The following DTWD2 variants were observed in gnomAD, a reference collection of about 807,000 sequenced individuals.
DTWD2 encodes the protein DTW motif tRNA-uridine aminocarboxypropyltransferase 2, also known as tRNA-uridine aminocarboxypropyltransferase 2.
In DTWD2, 39 loss-of-function variants were observed where a neutral mutation model predicts 31.8. That is an observed-to-expected ratio of 1.22 (90% confidence interval 0.95 to 1.60). The LOEUF (loss-of-function observed/expected upper bound fraction) is 1.60, where lower values mean the gene tolerates loss of function less well. DTWD2 is among the 40% of genes most tolerant of loss of function. DTWD2 has a pLI of 0.00. For synonymous variants in DTWD2, 180 were observed against 142.8 expected (o/e 1.26, Z -1.86); for missense variants, 515 against 381.5 (o/e 1.35, Z -2.92).
intron 4 of DTWD2, among the ~76,000 whole-genome samples, chr5:118,876,530 A>C (rs1383497185): frequency 6.6e-6 from 1 of 152,168 alleles, no homozygotes; most frequent in East Asian, 1.9e-4. Flanking sequence ...AATAAATACA[A>C]TCAGAAACGA....
At chr5:118,965,739 C>T (rs1240236222) in intron 1 of DTWD2, among the ~76,000 whole-genome samples, 1 of 152,018 alleles carries the variant, frequency 6.6e-6, no homozygotes, top group Admixed American at 6.5e-5. Context: ...CTGAAGGCAG[C>T]ATGCTCGTTA....
chr5:118,921,941 T>C (rs1392833268), intron 4 of DTWD2, among the ~76,000 whole-genome samples: 1 of 152,200 alleles, frequency 6.6e-6, no homozygotes, highest in East Asian at 1.9e-4. Flanking sequence ...ATAAAAGTGT[T>C]TTACCCAATG....
At chr5:118,949,658 G>C (rs998057747) in intron 1 of DTWD2, among the ~76,000 whole-genome samples, 1 of 152,114 alleles carries the variant, frequency 6.6e-6, no homozygotes, top group Non-Finnish European at 1.5e-5. Context: ...TGGGGTAAGG[G>C]TGATTAGGTT....
intron 4 of DTWD2, among the ~76,000 whole-genome samples, chr5:118,857,114 T>C (rs571512814): frequency 6.6e-6 from 1 of 152,092 alleles, no homozygotes; most frequent in Admixed American, 6.6e-5. Flanking sequence ...AACGAAGAAA[T>C]GTAGATGCAC....
At chr5:118,980,869 A>C (rs1024588657) in intron 1 of DTWD2, among the ~76,000 whole-genome samples, 2 of 152,238 alleles carry the variant, frequency 1.3e-5, no homozygotes, top group Non-Finnish European at 2.9e-5. Flanking sequence ...AAAAACTGAG[A>C]GTAGGAACTA....
At chr5:118,911,402 T>C (rs922319412) in intron 4 of DTWD2, among the ~76,000 whole-genome samples, 3 of 152,174 alleles carry the variant, frequency 2.0e-5, no homozygotes, top group Non-Finnish European at 2.9e-5. Flanking sequence ...TTATACACTG[T>C]TGGTGGGAAA....
At chr5:118,859,320 G>A (rs1381953994) in intron 4 of DTWD2, among the ~76,000 whole-genome samples, 3 of 151,888 alleles carry the variant, frequency 2.0e-5, no homozygotes, top group African/African-American at 4.8e-5. Context: ...AGATTAATGA[G>A]TTAATAATCT....
chr5:118,960,018 A>G (rs1754672163), intron 1 of DTWD2, among the ~76,000 whole-genome samples: 1 of 152,182 alleles, frequency 6.6e-6, no homozygotes, highest in Non-Finnish European at 1.5e-5. Context: ...AAACACCACT[A>G]TAGACTAGGC....
intron 4 of DTWD2, among the ~76,000 whole-genome samples, chr5:118,886,787 A>G (rs973668533): frequency 1.3e-5 from 2 of 152,246 alleles, no homozygotes; most frequent in African/African-American, 4.8e-5. Context: ...ATCTACAATT[A>G]TCTCAAAATA....
chr5:118,874,467 C>G (rs1316148027), intron 4 of DTWD2, among the ~76,000 whole-genome samples: 4 of 152,080 alleles, frequency 2.6e-5, no homozygotes, highest in African/African-American at 9.7e-5. Flanking sequence ...ATCATCATAA[C>G]ACAATGCAGG....
intron 4 of DTWD2, among the ~76,000 whole-genome samples, chr5:118,872,227 A>G (rs1752521829): frequency 1.3e-5 from 2 of 152,346 alleles, no homozygotes; most frequent in South Asian, 2.1e-4. Context: ...TCTCCCTATC[A>G]GCAATAAGGT....
At position 118,988,522 on chromosome 5, in the gene DTWD2, C is replaced by T. The variant is rs372982203; in HGVS notation, c.-11G>A. 42 of 1,530,352 alleles carry T rather than the reference C, an allele frequency of 2.7e-5. No homozygotes were observed. In the Middle Eastern group the frequency reaches 7.2e-4, roughly 26 times the overall value. The allele number at this position is 1,530,352 out of a possible 1,614,324, so 94.8% of individuals were successfully genotyped here. On this transcript the variant is annotated 5_prime_UTR_variant, in exon 1 of 6. Transcript: ENST00000510708. Reference sequence around the variant, plus strand: ...TTTCTGCGACTCCATGGCGGACACTCCGGTCAGGCCGTGGCATTGAAGCCC... The same window carrying T: ...TTTCTGCGACTCCATGGCGGACACTTCGGTCAGGCCGTGGCATTGAAGCCC...
chr5:118,974,638 A>G (rs749074601), intron 1 of DTWD2: 4 of 506,316 alleles, frequency 7.9e-6, no homozygotes, highest in East Asian at 5.5e-5. Flanking sequence ...TAGCTGTACT[A>G]TAAGTAGTTG....
intron 1 of DTWD2, among the ~76,000 whole-genome samples, chr5:118,973,610 TCCTTGCTCGCGGCAG>T (rs1561477961): frequency 4.3e-3 from 102 of 23,792 alleles, no homozygotes; most frequent in African/African-American, 9.5e-3. Flanking sequence ...CTCGTCCGCC[TCCTTGCTCGCGGCAG>T]CCTCCTTGCT....
At chr5:118,876,710 G>A (rs1752629286) in intron 4 of DTWD2, among the ~76,000 whole-genome samples, 1 of 151,982 alleles carries the variant, frequency 6.6e-6, no homozygotes, top group African/African-American at 2.4e-5. Flanking sequence ...GACCAATAAT[G>A]AGCTCTGAAA....
At chr5:118,881,762 C>A (rs564170119) in intron 4 of DTWD2, among the ~76,000 whole-genome samples, 2 of 152,208 alleles carry the variant, frequency 1.3e-5, no homozygotes, top group South Asian at 2.1e-4. Context: ...CATCAGATCT[C>A]GTAAGAAATC....
intron 4 of DTWD2, among the ~76,000 whole-genome samples, chr5:118,882,420 G>T (rs1157724471): frequency 6.6e-6 from 1 of 152,194 alleles, no homozygotes; most frequent in African/African-American, 2.4e-5. Flanking sequence ...ACATTCTGGG[G>T]TCTTGAGGAC....
chr5:118,916,722 T>C (rs967937178), intron 4 of DTWD2, among the ~76,000 whole-genome samples: 5 of 149,792 alleles, frequency 3.3e-5, no homozygotes, highest in African/African-American at 1.2e-4. Context: ...AGAAACATAA[T>C]AGAAATGATT....
chr5:118,903,503 A>G (rs115493251), intron 4 of DTWD2, among the ~76,000 whole-genome samples: 2,691 of 152,136 alleles, frequency 0.018, 77 homozygotes, highest in African/African-American at 0.056. Flanking sequence ...CCAATTGCAC[A>G]CAGTGAAAAT....
Sources: allele counts gnomAD v4.1 joint callset (sites outside exome capture counted in the v4.1 genomes callset), GRCh38; gene constraint gnomAD v4.1.1; transcripts MANE v1.5; gene names NCBI Gene and HGNC (gene_info 2026-07-23, HGNC 2026-07-21).